EDARADD: variants seen among roughly 807,000 people sequenced by gnomAD.
EDARADD encodes ectodysplasin-A receptor-associated adapter protein.
EDARADD carries 20 observed loss-of-function variants against 25.6 expected under a neutral mutation model. The ratio of observed to expected loss-of-function variants is 0.78; its 90% CI spans 0.55 to 1.14. The LOEUF (loss-of-function observed/expected upper bound fraction) is 1.14. Among genes scored for constraint, EDARADD ranks in the 50% most tolerant of loss-of-function variants. The pLI, the probability that EDARADD is intolerant of heterozygous loss-of-function variation, is 0.00. For synonymous variants in EDARADD, 86 were observed against 94.4 expected, an observed-to-expected ratio of 0.91 and a Z score of 0.52; for missense variants, 225 against 270.1, an observed-to-expected ratio of 0.83 and a Z score of 1.17.
rs113381700 is a variant in EDARADD at position 236,461,854 on chromosome 1, A to G, written c.220-6377A>G. Reference sequence around the variant, plus strand: ...AACTCTTCATGAGTTGGCTAAGCATAGACATTTCAAGACCAAACTAAACGT... The same window carrying G: ...AACTCTTCATGAGTTGGCTAAGCATGGACATTTCAAGACCAAACTAAACGT... On this transcript the variant is annotated intron_variant, in intron 4 of 5. Coordinates refer to ENST00000334232, the MANE Select transcript of EDARADD (RefSeq NM_145861.4). Among the ~76,000 whole-genome samples the G allele has an allele frequency of 7.9e-4, 121 of 152,338 alleles. 2 individuals are homozygous for G. Among genetic ancestry groups the G allele is most frequent in the African/African-American group, 2.8e-3 (118 of 41,580 alleles).
At chr1:236,477,835 G>A (rs893576629) in intron 5 of EDARADD, among the ~76,000 whole-genome samples, 1 of 152,174 alleles carries the variant, frequency 6.6e-6, no homozygotes, top group African/African-American at 2.4e-5. Flanking sequence ...GGGCGCGGTG[G>A]CTCACACCTG....
chr1:236,466,963 A>G (rs1175731580), intron 4 of EDARADD, among the ~76,000 whole-genome samples: 1 of 152,080 alleles, frequency 6.6e-6, no homozygotes, highest in Admixed American at 6.6e-5. Context: ...GCTACTTGGG[A>G]GGCTGAGGCA....
In EDARADD at chr1:236,376,741, A is replaced by T. The variant is rs113222100; in HGVS notation, c.-6+25902A>T. ...TTAATATGGGGGGAAATACACAGTC[A>T]TTATTCTAATAGTTTTTCTGTTCCT... On this transcript the variant is annotated intron_variant, in intron 3 of 7. Coordinates refer to the EDARADD transcript ENST00000439430. 7.6e-4 allele frequency among the ~76,000 whole-genome samples: 115 copies of T among 152,244 alleles called. 2 individuals carry two copies. The highest frequency in any genetic ancestry group is 2.6e-3 in the African/African-American group (109 of 41,550).
chr1:236,393,355 T>C (rs1484203863), upstream of EDARADD, among the ~76,000 whole-genome samples: 2 of 151,438 alleles, frequency 1.3e-5, no homozygotes, highest in Non-Finnish European at 2.9e-5. Flanking sequence ...TATCGGGAAA[T>C]GTTAAAAATG....
At chr1:236,375,283 T>C (rs548858505) in intron 3 of EDARADD, among the ~76,000 whole-genome samples, 1 of 152,308 alleles carries the variant, frequency 6.6e-6, no homozygotes, top group South Asian at 2.1e-4. Context: ...AATATATATG[T>C]ATATAAGCAT....
intron 3 of EDARADD, among the ~76,000 whole-genome samples, chr1:236,357,852 C>A (rs920008160): frequency 1.3e-5 from 2 of 151,382 alleles, no homozygotes; most frequent in Non-Finnish European, 2.9e-5. Flanking sequence ...CACCACCTTA[C>A]AAGGAAAGTA....
chr1:236,409,318 C>CT (rs772283262), intron 2 of EDARADD, 44 bp downstream of exon 2: 1 of 1,486,240 alleles, frequency 6.7e-7, no homozygotes, highest in Non-Finnish European at 9.4e-7. Context: ...TATTGTTTTG[C>CT]TTTTTTTCTT....
chr1:236,391,869 A>G (rs748057754), upstream of EDARADD, among the ~76,000 whole-genome samples: 1 of 152,168 alleles, frequency 6.6e-6, no homozygotes, highest in Non-Finnish European at 1.5e-5. Flanking sequence ...CCTTGTGCCC[A>G]TGAGTTAAAG....
At chr1:236,412,703 G>A (rs771456881) in intron 2 of EDARADD, among the ~76,000 whole-genome samples, 10 of 152,134 alleles carry the variant, frequency 6.6e-5, no homozygotes, top group Non-Finnish European at 1.5e-4. Context: ...CTCCAGCATC[G>A]TCTTTCTAGG....
chr1:236,402,197 G>A (rs1275237707), intron 1 of EDARADD, among the ~76,000 whole-genome samples: 2 of 152,138 alleles, frequency 1.3e-5, no homozygotes, highest in Non-Finnish European at 2.9e-5. Flanking sequence ...CCTGACCTCA[G>A]GTGATCTGCC....
At chr1:236,377,962 G>A (rs1216291537) in intron 3 of EDARADD, among the ~76,000 whole-genome samples, 1 of 152,120 alleles carries the variant, frequency 6.6e-6, no homozygotes, top group Non-Finnish European at 1.5e-5. Context: ...TGGGTAAAAG[G>A]AACTGATATT....
At chr1:236,377,256 C>T (rs373881899) in intron 3 of EDARADD, among the ~76,000 whole-genome samples, 71 of 151,176 alleles carry the variant, frequency 4.7e-4, no homozygotes, top group East Asian at 2.0e-3. Flanking sequence ...CCTGGGTTCA[C>T]GCCATTCTCC....
intron 4 of EDARADD, among the ~76,000 whole-genome samples, chr1:236,461,782 T>C (rs1437366891): frequency 6.6e-6 from 1 of 152,190 alleles, no homozygotes. Flanking sequence ...TGGGGCATGC[T>C]TTCCCATTCG....
intron 3 of EDARADD, among the ~76,000 whole-genome samples, chr1:236,417,461 T>C (rs1161432979): frequency 6.6e-6 from 1 of 152,228 alleles, no homozygotes; most frequent in Non-Finnish European, 1.5e-5. Flanking sequence ...TGTAATTTCA[T>C]TTGTCAGCAT....
chr1:236,468,416 G>T lies in EDARADD; in HGVS notation c.265+140G>T, dbSNP rs895355178. On this transcript the variant is annotated intron_variant, in intron 5 of 5. Coordinates refer to ENST00000334232, the MANE Select transcript of EDARADD (RefSeq NM_145861.4). ...AGGTGGGCGGATCACCTGAGGTCAG[G>T]AGTTCAAGACCAGCCTGGCCAACAT... 3.7e-6 allele frequency: 3 copies of T among 810,792 alleles called. No homozygotes were observed. The African/African-American group carries it at 5.1e-5, about 14-fold the overall frequency. The allele number at this position is 810,792 out of a possible 1,614,324, so 50.2% of individuals were successfully genotyped here. A position where few individuals can be genotyped will look rare whatever the true frequency, so the allele number is the denominator to read the frequency against.
chr1:236,449,077 T>C (rs1658639685), intron 4 of EDARADD, among the ~76,000 whole-genome samples: 1 of 152,188 alleles, frequency 6.6e-6, no homozygotes, highest in African/African-American at 2.4e-5. Flanking sequence ...TGCCCCTCTC[T>C]TAGCTTCTGG....
chr1:236,390,013 T>C (rs1667402350), upstream of EDARADD, among the ~76,000 whole-genome samples: 1 of 152,042 alleles, frequency 6.6e-6, no homozygotes, highest in South Asian at 2.1e-4. Context: ...CAAGACCCTG[T>C]CTCAAAAACA....
At chr1:236,473,033 C>T (rs1336784427) in intron 5 of EDARADD, among the ~76,000 whole-genome samples, 1 of 152,190 alleles carries the variant, frequency 6.6e-6, no homozygotes, top group African/African-American at 2.4e-5. Context: ...TCTTCTTGAA[C>T]TGTGTCACAC....
chr1:236,377,287 T>C lies in EDARADD; in HGVS notation c.-6+26448T>C, dbSNP rs1354561876. ...TCTCCTGCCTCAGCCCCCCGAGTAG[T>C]TGGGATTACAGGGGCATGCCACCAC... On this transcript the variant is annotated intron_variant, in intron 3 of 7. Transcript: ENST00000439430. Among the ~76,000 whole-genome samples, 7 of 150,868 alleles carry C rather than the reference T, an allele frequency of 4.6e-5. No homozygotes were observed. In the East Asian group the frequency reaches 1.2e-3, roughly 25 times the overall value.
Sources: gnomAD v4.1 joint callset for allele counts (sites outside exome capture counted in the v4.1 genomes callset) on GRCh38, gnomAD v4.1.1 for gene constraint, MANE v1.5 for transcripts, NCBI Gene and HGNC (gene_info 2026-07-23, HGNC 2026-07-21) for gene names.